The following CPT1A variants were observed in gnomAD, a reference collection of about 807,000 sequenced individuals.
CPT1A encodes carnitine palmitoyltransferase 1A.
CPT1A carries 64 observed loss-of-function variants against 100.8 expected under a neutral mutation model. The observed-to-expected ratio is 0.63, with a 90% confidence interval of 0.52 to 0.78. CPT1A has a LOEUF of 0.78. Ranked by LOEUF, CPT1A falls within the 30% of genes least tolerant of loss-of-function variation. CPT1A has a pLI of 0.00. For missense variants in CPT1A, 802 were observed against 1,034.1 expected, an observed-to-expected ratio of 0.78 and a Z score of 3.08; for synonymous variants, 363 against 396.0, an observed-to-expected ratio of 0.92 and a Z score of 0.99.
At chr11:68,819,117 C>T (rs1054453732) in intron 1 of CPT1A, among the ~76,000 whole-genome samples, 3 of 152,070 alleles carry the variant, frequency 2.0e-5, no homozygotes, top group Non-Finnish European at 4.4e-5. Context: ...CTCACTCTGT[C>T]GCCCAGGCTG....
At chr11:68,775,852 C>T (rs979146858) in intron 12 of CPT1A, among the ~76,000 whole-genome samples, 3 of 152,108 alleles carry the variant, frequency 2.0e-5, no homozygotes, top group African/African-American at 7.2e-5. Flanking sequence ...CCTGTATGAC[C>T]CAGCAGTTCC....
chr11:68,807,917 C>T (rs998992176), intron 3 of CPT1A, among the ~76,000 whole-genome samples: 2 of 152,232 alleles, frequency 1.3e-5, no homozygotes, highest in Admixed American at 6.5e-5. Flanking sequence ...CCCTTCAGCC[C>T]GATCTGCTCG....
rs776691394 is a variant in CPT1A, at chr11:68,781,963, C to A, written c.1164-4G>T. 1 of 1,614,034 alleles carries A rather than the reference C, an allele frequency of 6.2e-7. No individual in the cohort carries two copies. Among genetic ancestry groups the A allele is most frequent in the Non-Finnish European group, 8.5e-7 (1 of 1,179,888 alleles). ...ACGACACCTGGCCCAGGGAACTCTGCAGTGAAGATGAAATACGATTAAAGG... is the reference window on the plus strand; with the variant it reads ...ACGACACCTGGCCCAGGGAACTCTGAAGTGAAGATGAAATACGATTAAAGG... On this transcript the variant is annotated splice_region_variant and splice_polypyrimidine_tract_variant and intron_variant, in intron 10 of 18. Coordinates refer to ENST00000265641, the MANE Select transcript of CPT1A (RefSeq NM_001876.4).
At chr11:68,785,302 C>T (rs1428878622) in intron 9 of CPT1A, among the ~76,000 whole-genome samples, 2 of 152,026 alleles carry the variant, frequency 1.3e-5, no homozygotes, top group African/African-American at 2.4e-5. Context: ...TGGTGGCTCA[C>T]GCCTGTAATC....
At chr11:68,790,716 C>T (rs1855591490) in intron 9 of CPT1A, among the ~76,000 whole-genome samples, 1 of 152,182 alleles carries the variant, frequency 6.6e-6, no homozygotes, top group Non-Finnish European at 1.5e-5. Flanking sequence ...TCCAGCAGCC[C>T]CAGGAAACTG....
Position 68,799,310 on chromosome 11 carries a change from G to A in CPT1A, c.601C>T (p.Arg201Trp), listed in dbSNP as rs373344573. ...RPLMKEEDFK[R>W]MTALAQDFAV... ...AAATCTTGAGCAAGTGCTGTCATCC[G>A]TTTGAAGTCTTCTTCCTTCATAAGA... Residue 201 changes from arginine to tryptophan, a missense_variant, in exon 6 of 19, where the codon CGG becomes TGG. Around this residue, in one of 4 missense-constraint regions of CPT1A, gnomAD observed 627 missense variants for 799.3 expected, o/e 0.78. Transcript: ENST00000265641. The A allele has an allele frequency of 5.5e-5, 88 of 1,613,896 alleles. No homozygotes were observed. The South Asian group carries it at 8.5e-4, about 16-fold the overall frequency.
chr11:68,789,162 G>A (rs1855550507), intron 9 of CPT1A, among the ~76,000 whole-genome samples: 1 of 152,148 alleles, frequency 6.6e-6, no homozygotes, highest in Non-Finnish European at 1.5e-5. Context: ...CTAAATTTTG[G>A]TAGTAATTCC....
intron 7 of CPT1A, among the ~76,000 whole-genome samples, chr11:68,795,277 T>C (rs1466211836): frequency 6.6e-6 from 1 of 152,248 alleles, no homozygotes; most frequent in Non-Finnish European, 1.5e-5. Context: ...TATATAGAGC[T>C]GTGCCTGCAG....
At chr11:68,781,684 G>T in intron 11 of CPT1A, 87 bp downstream of exon 11, 8 of 1,098,272 alleles carry the variant, frequency 7.3e-6, no homozygotes, top group South Asian at 1.2e-5. Context: ...TAGCATTATA[G>T]ATACTTAGGG....
Position 68,755,608 on chromosome 11 carries a change from A to T in CPT1A, c.*2036T>A, listed in dbSNP as rs1007707278. On this transcript the variant is annotated 3_prime_UTR_variant, in exon 19 of 19. Coordinates refer to ENST00000265641, the MANE Select transcript of CPT1A (RefSeq NM_001876.4). Reference sequence around the variant, plus strand: ...GAATTTTTAGTAGAGACGGGGTTTCACCGTGTTAGCCAGGATGGTCTCCAT... The same window carrying T: ...GAATTTTTAGTAGAGACGGGGTTTCTCCGTGTTAGCCAGGATGGTCTCCAT... 1.4e-5 allele frequency: 2 copies of T among 147,952 alleles called. No homozygotes were observed. Among genetic ancestry groups the T allele is most frequent in the Non-Finnish European group, 3.0e-5 (2 of 67,310 alleles). 9.2% of individuals were successfully genotyped at this position (147,952 alleles called of 1,614,324 possible). A position where few individuals can be genotyped will look rare whatever the true frequency, so the allele number is the denominator to read the frequency against.
At chr11:68,791,079 C>A (rs1200332183) in intron 9 of CPT1A, among the ~76,000 whole-genome samples, 1 of 152,214 alleles carries the variant, frequency 6.6e-6, no homozygotes, top group Admixed American at 6.5e-5. Flanking sequence ...CTGCCTTGGC[C>A]TCCCAAAGTG....
chr11:68,784,847 C>A lies in CPT1A; in HGVS notation c.1131G>T (p.Glu377Asp). ...LDNTSEPQPGEARLAALTAGD... is the reference protein window; with the variant it reads ...LDNTSEPQPGDARLAALTAGD... ...CTGCGGTGAGGGCTGCCAGCCTGGC[C>A]TCCCCGGGCTGAGGCTCCGAGGTAT... Residue 377 changes from glutamate to aspartate, a missense_variant, in exon 10 of 19, where the codon GAG (glutamate) becomes GAT (aspartate). Coordinates refer to ENST00000265641, the MANE Select transcript of CPT1A (RefSeq NM_001876.4). 6.2e-7 allele frequency: 1 copy of A among 1,612,642 alleles called. No homozygotes were observed. The highest frequency in any genetic ancestry group is 8.5e-7 in the Non-Finnish European group (1 of 1,180,032).
chr11:68,817,001 G>GT (rs1856430785), intron 1 of CPT1A, among the ~76,000 whole-genome samples: 1 of 102,788 alleles, frequency 9.7e-6, no homozygotes, highest in Non-Finnish European at 1.9e-5. Flanking sequence ...GTGTGTGTGT[G>GT]GTATGTGTGG....
intron 3 of CPT1A, among the ~76,000 whole-genome samples, chr11:68,807,918 G>A (rs1412587490): frequency 6.6e-6 from 1 of 152,226 alleles, no homozygotes; most frequent in Admixed American, 6.5e-5. Flanking sequence ...CCTTCAGCCC[G>A]ATCTGCTCGG....
chr11:68,779,408 C>G (rs999335865), intron 12 of CPT1A, among the ~76,000 whole-genome samples: 10 of 149,388 alleles, frequency 6.7e-5, no homozygotes, highest in African/African-American at 2.5e-4. Context: ...AGAACCTGAC[C>G]GGTGAGTTAA....
At chr11:68,780,974 G>A in intron 11 of CPT1A, among the ~76,000 whole-genome samples, 1 of 152,234 alleles carries the variant, frequency 6.6e-6, no homozygotes, top group East Asian at 1.9e-4. Context: ...TATCCTGGCA[G>A]CCTGAAGTCA....
chr11:68,799,983 TAAC>T lies in CPT1A; in HGVS notation c.556-631_556-629del, dbSNP rs544334472. Among the ~76,000 whole-genome samples the T allele has an allele frequency of 1.4e-3, 207 of 152,266 alleles. 1 individual carries two copies. Among genetic ancestry groups the T allele is most frequent in the African/African-American group, 4.8e-3 (201 of 41,564 alleles). On this transcript the variant is annotated intron_variant, in intron 5 of 18. Transcript: ENST00000265641. ...AAATTCTAGAGTTGACAAGAAAAGT[TAAC>T]AAGGAAATTTCAAGAATGTCTCTTA...
intron 2 of CPT1A, 48 bp from the exon 3 acceptor site, chr11:68,812,624 A>G: frequency 1.4e-5 from 22 of 1,611,946 alleles, no homozygotes; most frequent in Non-Finnish European, 1.6e-5. Flanking sequence ...CACAACCCAC[A>G]GGGCAATGAC....
intron 15 of CPT1A, among the ~76,000 whole-genome samples, chr11:68,762,005 GA>G (rs1413686664): frequency 6.6e-6 from 1 of 152,130 alleles, no homozygotes; most frequent in Non-Finnish European, 1.5e-5. Flanking sequence ...ACGCTCTGGG[GA>G]TCAGCAGAAA....
Sources: allele counts gnomAD v4.1 joint callset (sites outside exome capture counted in the v4.1 genomes callset), GRCh38; gene constraint gnomAD v4.1.1; regional missense constraint gnomAD v4.1.1; transcripts MANE v1.5; gene names NCBI Gene and HGNC (gene_info 2026-07-23, HGNC 2026-07-21).